SCFD2: variants seen among roughly 807,000 people sequenced by gnomAD.
The protein encoded by SCFD2 is sec1 family domain-containing protein 2.
Under a neutral mutation model 58.9 loss-of-function variants are expected in SCFD2, and 54 were observed. The observed-to-expected ratio is 0.92, with a 90% CI of 0.74 to 1.15. SCFD2 has a LOEUF of 1.15. Ranked by LOEUF, SCFD2 falls within the 50% of genes most tolerant of loss-of-function variation. The probability of loss-of-function intolerance (pLI) is 0.00; values close to 1 mark genes in which losing one functional copy is unlikely to be tolerated. For synonymous variants in SCFD2, 321 were observed against 335.9 expected (o/e 0.96, Z 0.49); for missense variants, 805 against 836.6 (o/e 0.96, Z 0.47).
At chr4:53,024,911 C>A (rs1410664361) in intron 5 of SCFD2, among the ~76,000 whole-genome samples, 1 of 152,122 alleles carries the variant, frequency 6.6e-6, no homozygotes, top group Non-Finnish European at 1.5e-5. Context: ...AGCTTCTAAA[C>A]CCCTCTTGAC....
intron 4 of SCFD2, among the ~76,000 whole-genome samples, chr4:53,176,342 A>G (rs911086409): frequency 3.3e-5 from 5 of 152,242 alleles, no homozygotes; most frequent in Admixed American, 3.3e-4. Flanking sequence ...CTGGTAGAAT[A>G]TAATACATAG....
chr4:53,179,462 G>A (rs1727465380), intron 4 of SCFD2, among the ~76,000 whole-genome samples: 1 of 152,156 alleles, frequency 6.6e-6, no homozygotes, highest in Non-Finnish European at 1.5e-5. Context: ...GAGAGATTTT[G>A]TCACCACCAG....
chr4:53,213,026 A>G (rs1264151705), intron 4 of SCFD2, among the ~76,000 whole-genome samples: 1 of 152,122 alleles, frequency 6.6e-6, no homozygotes, highest in African/African-American at 2.4e-5. Flanking sequence ...ATGTTAAAAT[A>G]TGGAAACACT....
intron 4 of SCFD2, among the ~76,000 whole-genome samples, chr4:53,221,079 T>C (rs1729033954): frequency 6.6e-6 from 1 of 152,166 alleles, no homozygotes; most frequent in Admixed American, 6.5e-5. Context: ...GTCAAATCTA[T>C]ATTTTAAGTA....
chr4:53,331,442 T>A (rs549868797), intron 2 of SCFD2, among the ~76,000 whole-genome samples: 3 of 152,300 alleles, frequency 2.0e-5, no homozygotes, highest in Admixed American at 2.0e-4. Flanking sequence ...ATTAAGAATT[T>A]CACTCAAAAC....
chr4:53,143,801 C>CAT (rs1488451111), intron 5 of SCFD2, among the ~76,000 whole-genome samples: 3 of 151,170 alleles, frequency 2.0e-5, no homozygotes, highest in African/African-American at 7.3e-5. Context: ...AACATACACA[C>CAT]ACACACACAC....
intron 4 of SCFD2, among the ~76,000 whole-genome samples, chr4:53,166,319 G>A (rs180681553): frequency 1.3e-5 from 2 of 152,314 alleles, no homozygotes; most frequent in Admixed American, 1.3e-4. Context: ...GGCGACCTCA[G>A]AGGTCATGAC....
At chr4:53,010,375 G>A (rs1284360351) in intron 5 of SCFD2, among the ~76,000 whole-genome samples, 10 of 152,128 alleles carry the variant, frequency 6.6e-5, no homozygotes, top group Non-Finnish European at 1.0e-4. Context: ...TATTCAAAAC[G>A]TGACTTTTAC....
rs541222381 is a variant in SCFD2 at position 53,229,303 on chromosome 4, A to C, written c.1311+44523T>G. 9.3e-3 allele frequency among the ~76,000 whole-genome samples: 1,410 copies of C among 152,296 alleles called. 24 individuals are homozygous for C. The highest frequency in any genetic ancestry group is 0.032 in the African/African-American group (1,335 of 41,562). On this transcript the variant is annotated intron_variant, in intron 4 of 8. Coordinates refer to ENST00000401642, the MANE Select transcript of SCFD2 (RefSeq NM_152540.4). Reference sequence around the variant, plus strand: ...TTCATATGGAACCAAAAAAGAGCCCACATTGCCAAGTCAATCCTAAGCCGA... The same window carrying C: ...TTCATATGGAACCAAAAAAGAGCCCCCATTGCCAAGTCAATCCTAAGCCGA...
intron 5 of SCFD2, among the ~76,000 whole-genome samples, chr4:53,026,790 A>T (rs892269043): frequency 6.6e-6 from 1 of 152,240 alleles, no homozygotes; most frequent in Non-Finnish European, 1.5e-5. Flanking sequence ...GGGCAAGCAG[A>T]AAAAACATAA....
chr4:53,212,412 C>A (rs1023154327), intron 4 of SCFD2, among the ~76,000 whole-genome samples: 2 of 151,470 alleles, frequency 1.3e-5, no homozygotes, highest in Non-Finnish European at 2.9e-5. Context: ...TGTCACTTCC[C>A]AAACCAATAA....
intron 4 of SCFD2, among the ~76,000 whole-genome samples, chr4:53,176,494 C>T (rs906057321): frequency 2.6e-5 from 4 of 152,192 alleles, no homozygotes; most frequent in African/African-American, 7.2e-5. Flanking sequence ...TTTCACCACA[C>T]CCTAAATTGC....
intron 2 of SCFD2, among the ~76,000 whole-genome samples, chr4:53,321,110 T>G (rs2149119376): frequency 6.6e-6 from 1 of 152,312 alleles, no homozygotes; most frequent in African/African-American, 2.4e-5. Context: ...ATTGTCATGT[T>G]TGAAGAAGAC....
intron 5 of SCFD2, among the ~76,000 whole-genome samples, chr4:53,126,813 T>A (rs866700059): frequency 6.6e-6 from 1 of 152,064 alleles, no homozygotes; most frequent in Non-Finnish European, 1.5e-5. Context: ...CTCCTCTTTC[T>A]CCCTGAGTTC....
At chr4:52,886,563 G>A (rs1718746536) in intron 7 of SCFD2, among the ~76,000 whole-genome samples, 1 of 152,264 alleles carries the variant, frequency 6.6e-6, no homozygotes, top group Non-Finnish European at 1.5e-5. Context: ...GGGCCGAGTA[G>A]GTGGGGCATC....
chr4:53,060,293 CTGGGCTGGGGTAGGT>C (rs148926056), intron 5 of SCFD2, among the ~76,000 whole-genome samples: 4,053 of 152,152 alleles, frequency 0.027, 175 homozygotes, highest in African/African-American at 0.093. Flanking sequence ...ACGAAGGTAA[CTGGGCTGGGGTAGGT>C]TGGGAGGTGG....
intron 5 of SCFD2, among the ~76,000 whole-genome samples, chr4:53,046,843 T>C (rs1184617657): frequency 6.6e-6 from 1 of 152,100 alleles, no homozygotes; most frequent in African/African-American, 2.4e-5. Context: ...AATTTTCTTT[T>C]GTATTTTTAG....
chr4:52,929,044 A>G (rs188254178), intron 5 of SCFD2, among the ~76,000 whole-genome samples: 1 of 152,346 alleles, frequency 6.6e-6, no homozygotes, highest in Non-Finnish European at 1.5e-5. Context: ...TAAACTTCCA[A>G]AAAGGCTACT....
At chr4:52,912,131 A>T (rs1719501041) in intron 6 of SCFD2, among the ~76,000 whole-genome samples, 1 of 152,116 alleles carries the variant, frequency 6.6e-6, no homozygotes, top group Admixed American at 6.5e-5. Flanking sequence ...GTAAGTCTAC[A>T]AACAAAACAA....
Sources: allele counts gnomAD v4.1 joint callset (sites outside exome capture counted in the v4.1 genomes callset), GRCh38; gene constraint gnomAD v4.1.1; transcripts MANE v1.5; gene names NCBI Gene and HGNC (gene_info 2026-07-23, HGNC 2026-07-21).